DPP6: variants seen among roughly 807,000 people sequenced by gnomAD.
DPP6 encodes the protein A-type potassium channel modulatory protein DPP6.
Under a neutral mutation model 122.6 loss-of-function variants are expected in DPP6, and 69 were observed. That is an observed-to-expected ratio of 0.56 (90% CI 0.46 to 0.69). The LOEUF (loss-of-function observed/expected upper bound fraction) is 0.69. DPP6 is among the 30% of genes least tolerant of loss of function. DPP6 has a pLI of 0.00. For synonymous variants in DPP6, 418 were observed against 433.1 expected (o/e 0.97, Z 0.43); for missense variants, 928 against 1,116.9 (o/e 0.83, Z 2.41).
the DPP6 span, among the ~76,000 whole-genome samples, chr7:153,866,674 T>C: frequency 2.0e-5 from 3 of 152,218 alleles, no homozygotes; most frequent in Non-Finnish European, 4.4e-5. Context: ...TTTGTCAATT[T>C]TGGCTTTTGT....
At chr7:154,280,030 G>C (rs943376803) in intron 1 of DPP6, among the ~76,000 whole-genome samples, 3 of 152,252 alleles carry the variant, frequency 2.0e-5, no homozygotes, top group African/African-American at 7.2e-5. Flanking sequence ...AGGACATTTT[G>C]AAAGAAAAGT....
chr7:154,517,825 A>C (rs1826648554), intron 3 of DPP6, among the ~76,000 whole-genome samples: 1 of 152,234 alleles, frequency 6.6e-6, no homozygotes, highest in South Asian at 2.1e-4. Context: ...TGGGCACTTA[A>C]GAAATCCATT....
At chr7:154,822,185 T>C (rs747211935) in intron 16 of DPP6, among the ~76,000 whole-genome samples, 18 of 152,210 alleles carry the variant, frequency 1.2e-4, no homozygotes, top group Admixed American at 3.9e-4. Context: ...TTCACTGATA[T>C]CTGTGCAGCA....
intron 18 of DPP6, among the ~76,000 whole-genome samples, chr7:154,869,621 G>A (rs546934339): frequency 1.3e-5 from 2 of 152,184 alleles, no homozygotes; most frequent in Non-Finnish European, 2.9e-5. Flanking sequence ...GTCCCAGCCT[G>A]CAGGACAGCC....
intron 1 of DPP6, among the ~76,000 whole-genome samples, chr7:154,105,836 T>C (rs1806120935): frequency 6.6e-6 from 1 of 151,926 alleles, no homozygotes. Flanking sequence ...TAAACCTCTT[T>C]CCTTTATAAA....
chr7:154,712,529 AG>A (rs1841250223), intron 7 of DPP6, among the ~76,000 whole-genome samples: 1 of 152,204 alleles, frequency 6.6e-6, no homozygotes, highest in South Asian at 2.1e-4. Context: ...TAAAGGAAAG[AG>A]GTTTAATTGA....
upstream of DPP6, among the ~76,000 whole-genome samples, chr7:154,051,646 C>T (rs1430134237): frequency 6.7e-6 from 1 of 149,894 alleles, no homozygotes; most frequent in Admixed American, 6.6e-5. Flanking sequence ...GGAAAAGTTG[C>T]GGGCAGCCGG....
chr7:154,293,998 T>C (rs897009255), intron 1 of DPP6, among the ~76,000 whole-genome samples: 2 of 152,194 alleles, frequency 1.3e-5, no homozygotes, highest in South Asian at 4.1e-4. Flanking sequence ...GAGTCCCTAC[T>C]AGATGTCCAT....
chr7:154,585,709 G>A (rs1450302380), intron 5 of DPP6, among the ~76,000 whole-genome samples: 1 of 152,196 alleles, frequency 6.6e-6, no homozygotes, highest in East Asian at 1.9e-4. Context: ...CTACTGTATT[G>A]CTTAGGAAAT....
intron 1 of DPP6, among the ~76,000 whole-genome samples, chr7:154,147,870 T>C (rs1186024156): frequency 6.6e-6 from 1 of 151,746 alleles, no homozygotes; most frequent in Non-Finnish European, 1.5e-5. Flanking sequence ...TGATTTTTTT[T>C]ACAGCACATG....
At chr7:153,802,592 T>C in the DPP6 span, among the ~76,000 whole-genome samples, 2 of 152,152 alleles carry the variant, frequency 1.3e-5, no homozygotes, top group Admixed American at 6.5e-5. Context: ...TACACTCCTT[T>C]ACTCAATTAT....
chr7:153,898,583 AATT>A (rs1321188298), intron 1 of DPP6, among the ~76,000 whole-genome samples: 10 of 152,232 alleles, frequency 6.6e-5, no homozygotes, highest in Non-Finnish European at 1.3e-4. Flanking sequence ...AAATATGTAT[AATT>A]ATTATGTATC....
chr7:154,336,981 C>A (rs1336735650), intron 1 of DPP6, among the ~76,000 whole-genome samples: 1 of 152,168 alleles, frequency 6.6e-6, no homozygotes, highest in Non-Finnish European at 1.5e-5. Flanking sequence ...CCCTGTCTTT[C>A]CCAGTGAGCA....
At chr7:154,061,541 G>C (rs1398087667) in intron 1 of DPP6, among the ~76,000 whole-genome samples, 1 of 146,756 alleles carries the variant, frequency 6.8e-6, no homozygotes, top group African/African-American at 2.5e-5. Context: ...GGCAAAACCT[G>C]AACATAAAGG....
At chr7:154,321,509 G>A (rs576872468) in intron 1 of DPP6, among the ~76,000 whole-genome samples, 65 of 152,000 alleles carry the variant, frequency 4.3e-4, no homozygotes, top group African/African-American at 1.5e-3. Flanking sequence ...GCGGCCAGGC[G>A]CGGTCGCTCA....
rs1806706021 is a variant in DPP6, at chr7:154,892,514, T to C, written c.*34T>C. 1 of 1,579,936 alleles carries C rather than the reference T, an allele frequency of 6.3e-7. No homozygotes were observed. Among genetic ancestry groups the C allele is most frequent in the Non-Finnish European group, 8.6e-7 (1 of 1,159,304 alleles). On this transcript the variant is annotated 3_prime_UTR_variant, in exon 26 of 26. Transcript: ENST00000377770. ...CGCTCTAAGCACAAACGTGGCTCTT[T>C]CTACAACCAGATGCAACCGAGGGAT...
intron 1 of DPP6, among the ~76,000 whole-genome samples, chr7:154,181,517 T>C (rs927701957): frequency 9.2e-5 from 14 of 152,200 alleles, no homozygotes; most frequent in African/African-American, 3.4e-4. Flanking sequence ...CTGAAACTCC[T>C]GTCCTCTTCA....
At chr7:154,652,840 C>T (rs1586815854) in intron 6 of DPP6, among the ~76,000 whole-genome samples, 2 of 152,010 alleles carry the variant, frequency 1.3e-5, no homozygotes, top group South Asian at 2.1e-4. Context: ...GGCAAACTCC[C>T]TGAGTCGGAG....
At chr7:154,189,242 C>T (rs1798497695) in intron 1 of DPP6, among the ~76,000 whole-genome samples, 1 of 152,220 alleles carries the variant, frequency 6.6e-6, no homozygotes, top group East Asian at 1.9e-4. Context: ...GTAGAAGAAG[C>T]ATCAACAGTG....
Sources: gnomAD v4.1 joint callset for allele counts (sites outside exome capture counted in the v4.1 genomes callset) on GRCh38, gnomAD v4.1.1 for gene constraint, MANE v1.5 for transcripts, NCBI Gene and HGNC (gene_info 2026-07-23, HGNC 2026-07-21) for gene names.